Variants in CIMIP6 observed in about 807,000 individuals in gnomAD.
CIMIP6 encodes ciliary microtubule inner protein 6.
chr2:54,360,174 G>A, the CIMIP6 span: 1 of 1,512,270 alleles, frequency 6.6e-7, no homozygotes, highest in Admixed American at 2.4e-5. Context: ...CGTTCTCCTG[G>A]TTAATGTCGA....
the CIMIP6 span, among the ~76,000 whole-genome samples, chr2:54,363,492 A>G: frequency 6.6e-6 from 1 of 152,258 alleles, no homozygotes; most frequent in Non-Finnish European, 1.5e-5. Flanking sequence ...TAAATGGCCC[A>G]AGGCTTCTTC....
At chr2:54,373,092 C>G in the CIMIP6 span, among the ~76,000 whole-genome samples, 1 of 151,938 alleles carries the variant, frequency 6.6e-6, no homozygotes, top group Non-Finnish European at 1.5e-5. Context: ...GTCCCTTCTC[C>G]GTACTGCAGC....
At chr2:54,354,575 T>G in the CIMIP6 span, among the ~76,000 whole-genome samples, 1 of 152,118 alleles carries the variant, frequency 6.6e-6, no homozygotes, top group African/African-American at 2.4e-5. Context: ...TCATACTATA[T>G]AGTTTCTGTT....
At chr2:54,360,670 C>T in the CIMIP6 span, 57 of 1,101,700 alleles carry the variant, frequency 5.2e-5, 1 homozygote, top group Middle Eastern at 8.5e-4. Flanking sequence ...TCAGAACATA[C>T]AATTTATGTA....
At chr2:54,349,198 A>T in the CIMIP6 span, among the ~76,000 whole-genome samples, 1 of 152,130 alleles carries the variant, frequency 6.6e-6, no homozygotes, top group Non-Finnish European at 1.5e-5. Context: ...TGTAACAACA[A>T]TTTTTTGCTA....
At chr2:54,333,941 C>T in the CIMIP6 span, among the ~76,000 whole-genome samples, 6 of 151,920 alleles carry the variant, frequency 3.9e-5, no homozygotes, top group South Asian at 2.1e-4. Context: ...ACCTGGCATT[C>T]GTTTGGAGGA....
the CIMIP6 span, among the ~76,000 whole-genome samples, chr2:54,335,805 C>A: frequency 6.6e-6 from 1 of 152,162 alleles, no homozygotes; most frequent in Admixed American, 6.5e-5. Flanking sequence ...TTTCTGTGGG[C>A]TCTAAGGGTG....
the CIMIP6 span, among the ~76,000 whole-genome samples, chr2:54,363,021 C>G: frequency 1.3e-5 from 2 of 152,218 alleles, no homozygotes; most frequent in African/African-American, 4.8e-5. Context: ...TACATGTTTC[C>G]TCAGTACATA....
chr2:54,353,435 A>G, the CIMIP6 span, among the ~76,000 whole-genome samples: 1 of 151,650 alleles, frequency 6.6e-6, no homozygotes, highest in African/African-American at 2.4e-5. Flanking sequence ...TTTGTGAGAC[A>G]CTCCAAACCC....
At chr2:54,344,519 G>C in the CIMIP6 span, among the ~76,000 whole-genome samples, 1 of 152,170 alleles carries the variant, frequency 6.6e-6, no homozygotes, top group Non-Finnish European at 1.5e-5. Context: ...GCTACACGCC[G>C]AGCCAGCAGG....
chr2:54,339,036 G>T, the CIMIP6 span, among the ~76,000 whole-genome samples: 2 of 71,736 alleles, frequency 2.8e-5, 1 homozygote, highest in Non-Finnish European at 7.2e-5. Flanking sequence ...CGTGCCTGTA[G>T]TCCTAGCTAT....
At chr2:54,365,136 C>A in the CIMIP6 span, among the ~76,000 whole-genome samples, 3 of 152,284 alleles carry the variant, frequency 2.0e-5, no homozygotes, top group East Asian at 5.8e-4. Context: ...GGGTTATCTC[C>A]TCCCATTAGC....
chr2:54,366,809 G>A, the CIMIP6 span, among the ~76,000 whole-genome samples: 1 of 152,024 alleles, frequency 6.6e-6, no homozygotes, highest in South Asian at 2.1e-4. Flanking sequence ...GTAAAATATG[G>A]ACATCGTCTG....
the CIMIP6 span, among the ~76,000 whole-genome samples, chr2:54,384,088 C>A: frequency 4.6e-5 from 7 of 152,178 alleles, no homozygotes; most frequent in Non-Finnish European, 8.8e-5. Flanking sequence ...CAGCACAAAC[C>A]GGACTAAGAC....
the CIMIP6 span, among the ~76,000 whole-genome samples, chr2:54,345,659 C>T: frequency 2.0e-5 from 3 of 152,264 alleles, no homozygotes; most frequent in Middle Eastern, 3.4e-3. Context: ...GGCATTTGCA[C>T]CCAGCTAGCC....
chr2:54,356,765 T>C, the CIMIP6 span, among the ~76,000 whole-genome samples: 1 of 152,234 alleles, frequency 6.6e-6, no homozygotes, highest in African/African-American at 2.4e-5. Flanking sequence ...CAGTGATTTA[T>C]TTCAAAGTCA....
chr2:54,371,295 C>A, the CIMIP6 span, among the ~76,000 whole-genome samples: 1 of 152,208 alleles, frequency 6.6e-6, no homozygotes. Context: ...CCCCAGGAAG[C>A]AAGAGGGTGT....
chr2:54,370,821 G>A, the CIMIP6 span, among the ~76,000 whole-genome samples: 1 of 152,198 alleles, frequency 6.6e-6, no homozygotes, highest in Non-Finnish European at 1.5e-5. Context: ...AGGTGAGACA[G>A]TCCCTGGAGG....
the CIMIP6 span, among the ~76,000 whole-genome samples, chr2:54,341,087 A>C: frequency 3.3e-5 from 5 of 152,230 alleles, no homozygotes; most frequent in South Asian, 2.1e-4. Context: ...TTGATCAACA[A>C]AAGTAGATGA....
Sources: allele counts gnomAD v4.1 joint callset (sites outside exome capture counted in the v4.1 genomes callset), GRCh38; gene constraint gnomAD v4.1.1; transcripts MANE v1.5; gene names NCBI Gene and HGNC (gene_info 2026-07-23, HGNC 2026-07-21).